ITGAD: variants seen among roughly 807,000 people sequenced by gnomAD.
ITGAD encodes the protein integrin subunit alpha D.
In ITGAD, 105 loss-of-function variants were observed where a neutral mutation model predicts 139.0. That is an observed-to-expected ratio of 0.76 (90% CI 0.65 to 0.89). The LOEUF (loss-of-function observed/expected upper bound fraction) is 0.89, where lower values mean the gene tolerates loss of function less well. ITGAD is among the 40% of genes least tolerant of loss of function. The pLI is 0.00. For synonymous variants in ITGAD, 569 were observed against 598.3 expected (o/e 0.95, Z 0.71); for missense variants, 1,384 against 1,487.3 (o/e 0.93, Z 1.14).
In ITGAD at chr16:31,414,351, A is replaced by C. The variant is rs781094226; in HGVS notation, c.1997-100A>C. Reference sequence around the variant, plus strand: ...GCACGTGGTACAGTTCATGGCCCATAGCAGTGTCCAGCAAACATGTATTGC... The same window carrying C: ...GCACGTGGTACAGTTCATGGCCCATCGCAGTGTCCAGCAAACATGTATTGC... On this transcript the variant is annotated intron_variant, in intron 16 of 29. Coordinates refer to ENST00000389202, the MANE Select transcript of ITGAD (RefSeq NM_005353.3). The C allele has an allele frequency of 4.0e-4, 515 of 1,291,480 alleles. 1 individual carries two copies. Among genetic ancestry groups the C allele is most frequent in the Non-Finnish European group, 4.6e-4 (420 of 914,712 alleles). 80.0% of individuals were successfully genotyped at this position (1,291,480 alleles called of 1,614,324 possible).
rs760917394 is a variant in ITGAD at position 31,423,120 on chromosome 16, A to G, written c.2787A>G (p.Glu929=). ...CCACAGGCTCTCTCTCCAGGCAGGA[A>G]GAATCCACCAAGTACTTCAACTTTG... is the stretch of plus-strand genomic sequence containing the variant. ...YAVYTMISRQ[E]ESTKYFNFAT... is the part of the protein sequence containing the mutation. Residue 929 remains glutamate, a synonymous_variant, in exon 24 of 30, where the codon GAA becomes GAG. Transcript: ENST00000389202. 1 of 1,613,972 alleles carries G rather than the reference A, an allele frequency of 6.2e-7. No individual in the cohort carries two copies. Among genetic ancestry groups the G allele is most frequent in the Non-Finnish European group, 8.5e-7 (1 of 1,179,898 alleles).
At chr16:31,425,388 T>C (rs1187928997) in intron 29 of ITGAD, among the ~76,000 whole-genome samples, 2 of 152,134 alleles carry the variant, frequency 1.3e-5, no homozygotes, top group African/African-American at 2.4e-5. Flanking sequence ...ATTTTTGAAA[T>C]GATAATAATG....
At chr16:31,424,229 C>A in intron 28 of ITGAD, 26 bp downstream of exon 28, 1 of 1,613,428 alleles carries the variant, frequency 6.2e-7, no homozygotes, top group Non-Finnish European at 8.5e-7. Flanking sequence ...AGGGCAGCGA[C>A]CAGCTGGAAA....
At chr16:31,415,713 G>T (rs903643785) in intron 18 of ITGAD, among the ~76,000 whole-genome samples, 3 of 152,100 alleles carry the variant, frequency 2.0e-5, no homozygotes, top group African/African-American at 7.2e-5. Context: ...CGAAGCTCCA[G>T]CCTTACCTCC....
intron 23 of ITGAD, among the ~76,000 whole-genome samples, chr16:31,422,329 C>A (rs924440064): frequency 3.3e-5 from 5 of 152,208 alleles, no homozygotes; most frequent in Admixed American, 2.6e-4. Flanking sequence ...GCCAACCACA[C>A]AGCCTGTGTT....
In ITGAD at chr16:31,397,871, G is replaced by A. The variant is rs148236672; in HGVS notation, c.389G>A (p.Arg130His). 15 of 1,613,518 alleles carry A rather than the reference G, an allele frequency of 9.3e-6. No individual in the cohort carries two copies. Among genetic ancestry groups the A allele is most frequent in the South Asian group, 6.6e-5 (6 of 91,010 alleles). ...GGTTCCTGCCTCCTGCTGGGCTCGC[G>A]CTGGGAGATCATCCAGACAGTCCCC... ...SKGSCLLLGS[R>H]WEIIQTVPDA... The change falls in exon 5 of 30, where the codon CGC (arginine) becomes CAC (histidine). Residue 130 changes from arginine (R) to histidine (H), a missense_variant. Transcript: ENST00000389202.
In ITGAD at chr16:31,393,341, C is replaced by A; in HGVS notation, c.-20C>A. 6.2e-7 allele frequency: 1 copy of A among 1,614,046 alleles called. No individual in the cohort carries two copies. Among genetic ancestry groups the A allele is most frequent in the Non-Finnish European group, 8.5e-7 (1 of 1,179,984 alleles). ...GCTCTGTCCCCAACCTTCCACTTCC[C>A]CTCAACGCGCTGCTCAGGGATGACC... On this transcript the variant is annotated 5_prime_UTR_variant, in exon 1 of 30. Transcript: ENST00000389202.
At chr16:31,395,439 C>G (rs970548313) in intron 2 of ITGAD, among the ~76,000 whole-genome samples, 1 of 152,202 alleles carries the variant, frequency 6.6e-6, no homozygotes, top group Non-Finnish European at 1.5e-5. Context: ...CTGGCTCCCC[C>G]ACCCATGTGG....
intron 5 of ITGAD, among the ~76,000 whole-genome samples, chr16:31,398,474 C>T (rs1192108251): frequency 6.6e-6 from 1 of 150,620 alleles, no homozygotes; most frequent in Non-Finnish European, 1.5e-5. Context: ...AGGCTGCATG[C>T]ACCACCACAC....
In ITGAD at chr16:31,411,391, G is replaced by A; in HGVS notation, c.1581G>A (p.Leu527=). 1.9e-6 allele frequency: 3 copies of A among 1,614,114 alleles called. No individual in the cohort carries two copies. The highest frequency in any genetic ancestry group is 2.5e-6 in the Non-Finnish European group (3 of 1,179,990). Residue 527 remains leucine, a synonymous_variant, in exon 14 of 30, where the codon TTG becomes TTA. Transcript: ENST00000389202. ...WGRFGAALTV[L]GDVNEDKLID... is the part of the protein sequence containing the mutation. Reference sequence around the variant, plus strand: ...GCTTTGGGGCAGCCCTGACAGTGTTGGGGGATGTGAATGAGGACAAGCTGA... The same window carrying A: ...GCTTTGGGGCAGCCCTGACAGTGTTAGGGGATGTGAATGAGGACAAGCTGA...
At position 31,414,933 on chromosome 16, in the gene ITGAD, C is replaced by T; in HGVS notation, c.2225C>T (p.Ser742Phe). The change falls in exon 18 of 30, where the codon TCC (serine) becomes TTC (phenylalanine). Residue 742 changes from serine (S) to phenylalanine (F), a missense_variant. Physicochemically the swap from Ser to Phe is radical, Grantham distance 155 (BLOSUM62 -2). Transcript: ENST00000389202. Reference sequence around the variant, plus strand: ...TCACTGGTGAGAGAGCCCATCCCCTCCCCCCAGAACCTGCGTCCTGTGCTG... The same window carrying T: ...TCACTGGTGAGAGAGCCCATCCCCTTCCCCCAGAACCTGCGTCCTGTGCTG... ...NFSLVREPIP[S>F]PQNLRPVLAV... 6.2e-7 allele frequency: 1 copy of T among 1,614,022 alleles called. No homozygotes were observed. Among genetic ancestry groups the T allele is most frequent in the Non-Finnish European group, 8.5e-7 (1 of 1,179,952 alleles).
intron 14 of ITGAD, 134 bp downstream of exon 14, chr16:31,411,651 C>T: frequency 1.2e-6 from 1 of 828,610 alleles, no homozygotes; most frequent in Non-Finnish European, 1.9e-6. Flanking sequence ...CGTCATCTCT[C>T]TTCTCTCCTT....
At chr16:31,397,535 C>A in intron 3 of ITGAD, 61 bp from the exon 4 acceptor site, 2 of 1,595,386 alleles carry the variant, frequency 1.3e-6, no homozygotes, top group Non-Finnish European at 1.7e-6. Context: ...GCTTCCAGTC[C>A]AGACCTTCCC....
At chr16:31,407,386 C>A in intron 7 of ITGAD, 129 bp from the exon 8 acceptor site, 2 of 895,100 alleles carry the variant, frequency 2.2e-6, no homozygotes, top group Non-Finnish European at 1.7e-6. Context: ...AAAATCAATT[C>A]CTTAACATGC....
Position 31,418,478 on chromosome 16 carries a change from C to T in ITGAD, c.2697-3C>T, listed in dbSNP as rs1289234295. ...CCCATTGGTCCCTCCTTTCTGTCTC[C>T]AGTGAGAACAATAAGGCTTCAAGCA... On this transcript the variant is annotated splice_polypyrimidine_tract_variant and splice_region_variant and intron_variant, in intron 22 of 29. Coordinates refer to ENST00000389202, the MANE Select transcript of ITGAD (RefSeq NM_005353.3). 1 of 1,613,588 alleles carries T rather than the reference C, an allele frequency of 6.2e-7. No individual in the cohort carries two copies. Among genetic ancestry groups the T allele is most frequent in the Non-Finnish European group, 8.5e-7 (1 of 1,179,608 alleles).
rs1452109823 is a variant in ITGAD, at chr16:31,402,389, C to G, written c.558+144C>G. The G allele has an allele frequency of 2.2e-5, 15 of 686,416 alleles. No individual in the cohort carries two copies. The South Asian group carries it at 3.2e-4, about 15-fold the overall frequency. The allele number at this position is 686,416 out of a possible 1,614,324, so 42.5% of individuals were successfully genotyped here. A position where few individuals can be genotyped will look rare whatever the true frequency, so the allele number is the denominator to read the frequency against. On this transcript the variant is annotated intron_variant, in intron 6 of 29. Transcript: ENST00000389202. ...AATGAAGCTATGGTCCCAGCACAGG[C>G]CCAACTTGAGCCCTGACCTAGGAGG...
chr16:31,409,823 G>T (rs1258280056), intron 10 of ITGAD, among the ~76,000 whole-genome samples: 2 of 148,808 alleles, frequency 1.3e-5, no homozygotes, highest in Non-Finnish European at 1.5e-5. Context: ...GAGATGGGGG[G>T]ATTGCATGAG....
chr16:31,420,255 G>A (rs889635881), intron 23 of ITGAD, among the ~76,000 whole-genome samples: 5 of 152,168 alleles, frequency 3.3e-5, no homozygotes, highest in African/African-American at 1.2e-4. Flanking sequence ...CCAAGGCAGC[G>A]CAGGAAAGGC....
rs1481006838 is a variant in ITGAD, at chr16:31,414,529, C to T, written c.2075C>T (p.Thr692Ile). The change falls in exon 17 of 30, where the codon ACC becomes ATC. Residue 692 changes from threonine (T) to isoleucine (I), a missense_variant. By Grantham distance (89) the Thr-to-Ile change is moderately conservative. Transcript: ENST00000389202. Reference protein sequence around the residue: ...RLTSRAIFNETKNPTLTRRKT... With the variant: ...RLTSRAIFNEIKNPTLTRRKT... Reference sequence around the variant, plus strand: ...ACTTCTCGTGCCATTTTCAATGAAACCAAGAACCCCACTTTGACTCGAAGA... The same window carrying T: ...ACTTCTCGTGCCATTTTCAATGAAATCAAGAACCCCACTTTGACTCGAAGA... 6.2e-7 allele frequency: 1 copy of T among 1,614,204 alleles called. No individual in the cohort carries two copies.
Sources: allele counts gnomAD v4.1 joint callset (sites outside exome capture counted in the v4.1 genomes callset), GRCh38; gene constraint gnomAD v4.1.1; transcripts MANE v1.5; gene names NCBI Gene and HGNC (gene_info 2026-07-23, HGNC 2026-07-21).